THSD7B: variants seen among roughly 807,000 people sequenced by gnomAD.
The protein encoded by THSD7B is thrombospondin type-1 domain-containing protein 7B.
Under a neutral mutation model 213.6 loss-of-function variants are expected in THSD7B, and 138 were observed. That is an observed-to-expected ratio of 0.65 (90% CI 0.56 to 0.74). The LOEUF is 0.74. THSD7B is among the 30% of genes least tolerant of loss of function. The pLI, the probability that THSD7B is intolerant of heterozygous loss-of-function variation, is 0.00. For synonymous variants in THSD7B, 742 were observed against 687.0 expected (o/e 1.08, Z -1.25); for missense variants, 1,931 against 1,991.5 (o/e 0.97, Z 0.58).
At chr2:137,572,698 A>G (rs1165779154) in intron 17 of THSD7B, 142 bp downstream of exon 17, 13 of 1,060,910 alleles carry the variant, frequency 1.2e-5, no homozygotes, top group African/African-American at 1.6e-5. Context: ...AAATCCAAAG[A>G]AAGAAAAAAA....
chr2:137,468,718 ATAGT>A (rs1477600847), intron 15 of THSD7B, among the ~76,000 whole-genome samples: 2 of 152,008 alleles, frequency 1.3e-5, no homozygotes, highest in African/African-American at 2.4e-5. Context: ...TCACTGGAAA[ATAGT>A]TAGCATGTAT....
intron 2 of THSD7B, among the ~76,000 whole-genome samples, chr2:136,978,128 A>C (rs1381231082): frequency 6.6e-6 from 1 of 152,124 alleles, no homozygotes; most frequent in African/African-American, 2.4e-5. Flanking sequence ...TTGAGTTCTA[A>C]TTTAATTGCG....
At chr2:137,440,915 A>G (rs757258704) in intron 14 of THSD7B, among the ~76,000 whole-genome samples, 11 of 152,106 alleles carry the variant, frequency 7.2e-5, no homozygotes, top group Non-Finnish European at 1.5e-4. Context: ...AGAGAAATCT[A>G]TCTACTCATA....
intron 6 of THSD7B, among the ~76,000 whole-genome samples, chr2:137,166,191 C>T (rs17346504): frequency 0.068 from 10,352 of 152,016 alleles, 525 homozygotes; most frequent in Non-Finnish European, 0.1. Context: ...GAACCATGAT[C>T]GGCAGGTTGG....
chr2:136,817,378 T>G (rs1682492054), intron 1 of THSD7B, among the ~76,000 whole-genome samples: 1 of 148,954 alleles, frequency 6.7e-6, no homozygotes, highest in South Asian at 2.2e-4. Context: ...TAGATCCCAT[T>G]TGTCAATTTT....
intron 10 of THSD7B, among the ~76,000 whole-genome samples, chr2:137,244,723 A>C (rs545706811): frequency 1.7e-4 from 26 of 152,298 alleles, no homozygotes; most frequent in South Asian, 8.3e-4. Flanking sequence ...CTTGGCAGTC[A>C]GGGACCTACA....
rs551026529 is a variant in THSD7B, at chr2:137,225,853, G to T, written c.1724-5191G>T. Among the ~76,000 whole-genome samples, 37 of 150,316 alleles carry T rather than the reference G, an allele frequency of 2.5e-4. 1 individual carries two copies. Among genetic ancestry groups the T allele is most frequent in the African/African-American group, 8.0e-4 (33 of 41,368 alleles). On this transcript the variant is annotated intron_variant, in intron 7 of 27. Coordinates refer to ENST00000409968, the MANE Select transcript of THSD7B (RefSeq NM_001316349.2). ...AAATTAGCAAGCAGAGACATTAATT[G>T]TGTTGTTAGCAATATTAGGATGTTG...
intron 5 of THSD7B, among the ~76,000 whole-genome samples, chr2:137,149,581 G>T (rs1045826997): frequency 1.3e-5 from 2 of 152,174 alleles, no homozygotes; most frequent in Admixed American, 1.3e-4. Context: ...AAAGTCACAG[G>T]GGTGGAGCTG....
At chr2:137,095,268 G>A in intron 4 of THSD7B, 147 bp downstream of exon 4, 1 of 1,158,196 alleles carries the variant, frequency 8.6e-7, no homozygotes, top group Non-Finnish European at 1.2e-6. Context: ...TAGGAGAGCG[G>A]GTTAAGATCA....
intron 6 of THSD7B, among the ~76,000 whole-genome samples, chr2:137,162,204 T>G (rs1680032663): frequency 6.6e-6 from 1 of 152,202 alleles, no homozygotes; most frequent in Admixed American, 6.5e-5. Flanking sequence ...TCCGTCTTGT[T>G]TTCTAATTCT....
At chr2:137,424,860 G>A (rs527872151) in intron 14 of THSD7B, among the ~76,000 whole-genome samples, 1 of 151,776 alleles carries the variant, frequency 6.6e-6, no homozygotes, top group Non-Finnish European at 1.5e-5. Flanking sequence ...TCACAAAGTC[G>A]GCAGATCGAG....
At chr2:137,040,235 T>C (rs1686854782) in intron 2 of THSD7B, among the ~76,000 whole-genome samples, 1 of 152,110 alleles carries the variant, frequency 6.6e-6, no homozygotes, top group African/African-American at 2.4e-5. Context: ...TGTGTTCCGG[T>C]AGAAAGGTGG....
At chr2:137,227,049 A>G (rs4954487) in intron 7 of THSD7B, among the ~76,000 whole-genome samples, 67,571 of 151,918 alleles carry the variant, frequency 0.44, 15,295 homozygotes, top group African/African-American at 0.53. Context: ...AATGTAAATT[A>G]GCAGTTTCCA....
At chr2:137,410,268 CT>C (rs113809211) in intron 13 of THSD7B, among the ~76,000 whole-genome samples, 161 of 146,474 alleles carry the variant, frequency 1.1e-3, no homozygotes, top group African/African-American at 3.0e-3. Context: ...TGCAGAAATT[CT>C]TTTTTTTTTT....
At chr2:137,032,757 A>G (rs1262008047) in intron 2 of THSD7B, among the ~76,000 whole-genome samples, 1 of 152,196 alleles carries the variant, frequency 6.6e-6, no homozygotes, top group Non-Finnish European at 1.5e-5. Flanking sequence ...TTAAATGTGC[A>G]TTGGAGTCAT....
At chr2:137,310,641 T>TA (rs1268085514) in intron 12 of THSD7B, among the ~76,000 whole-genome samples, 2 of 152,198 alleles carry the variant, frequency 1.3e-5, no homozygotes, top group African/African-American at 4.8e-5. Context: ...GTTTTAGGTC[T>TA]AAGGTTTAAG....
intron 17 of THSD7B, among the ~76,000 whole-genome samples, chr2:137,603,200 T>C (rs765789907): frequency 2.6e-5 from 4 of 152,238 alleles, no homozygotes; most frequent in African/African-American, 4.8e-5. Context: ...ATTTGTAGAA[T>C]GCCTTTTGTT....
At chr2:137,031,638 TAAC>T (rs1290528341) in intron 2 of THSD7B, among the ~76,000 whole-genome samples, 10 of 152,000 alleles carry the variant, frequency 6.6e-5, no homozygotes. Flanking sequence ...AACAAAATAA[TAAC>T]AATAGCAAAA....
At chr2:136,778,061 A>T (rs1163928205) in intron 1 of THSD7B, among the ~76,000 whole-genome samples, 1 of 152,130 alleles carries the variant, frequency 6.6e-6, no homozygotes. Flanking sequence ...TGAAGGGCAT[A>T]CTTATAGAAT....
Sources: allele counts gnomAD v4.1 joint callset (sites outside exome capture counted in the v4.1 genomes callset), GRCh38; gene constraint gnomAD v4.1.1; transcripts MANE v1.5; gene names NCBI Gene and HGNC (gene_info 2026-07-23, HGNC 2026-07-21).